Variants in SMIM36 observed in about 807,000 individuals in gnomAD.
SMIM36 encodes the protein small integral membrane protein 36.
chr17:55,490,325 G>A (rs866711689), intron 1 of SMIM36, among the ~76,000 whole-genome samples: 6 of 152,088 alleles, frequency 3.9e-5, no homozygotes, highest in African/African-American at 1.4e-4. Flanking sequence ...TTTCCTGTCT[G>A]CTTCTTTTTG....
intron 1 of SMIM36, among the ~76,000 whole-genome samples, chr17:55,492,177 TTAAAA>T (rs1169222621): frequency 1.3e-5 from 2 of 150,888 alleles, no homozygotes; most frequent in East Asian, 3.9e-4. Context: ...AAAGAAAAAA[TTAAAA>T]TAAAGAGAGC....
chr17:55,480,322 C>G (rs557140108), intron 1 of SMIM36, among the ~76,000 whole-genome samples: 7 of 151,278 alleles, frequency 4.6e-5, no homozygotes, highest in Admixed American at 2.0e-4. Flanking sequence ...TTTGGAAGCA[C>G]AAAGACAATT....
At chr17:55,452,578 T>A (rs1403254041) in intron 4 of SMIM36, among the ~76,000 whole-genome samples, 1 of 152,178 alleles carries the variant, frequency 6.6e-6, no homozygotes, top group Admixed American at 6.5e-5. Context: ...GAGCTTGCCA[T>A]GAACAGCACA....
chr17:55,489,707 T>C (rs184058200), intron 1 of SMIM36, among the ~76,000 whole-genome samples: 1 of 152,360 alleles, frequency 6.6e-6, no homozygotes, highest in East Asian at 1.9e-4. Context: ...ACTGTATGAA[T>C]ATACCATATT....
the SMIM36 span, among the ~76,000 whole-genome samples, chr17:55,519,407 T>A: frequency 2.0e-5 from 3 of 151,856 alleles, no homozygotes; most frequent in African/African-American, 7.3e-5. Context: ...GTGGAGTGAG[T>A]GCAATGGTGG....
intron 1 of SMIM36, among the ~76,000 whole-genome samples, chr17:55,497,889 C>T (rs1436485736): frequency 6.6e-6 from 1 of 152,166 alleles, no homozygotes; most frequent in East Asian, 1.9e-4. Context: ...TTAAACAACT[C>T]ATTGCACATC....
chr17:55,521,703 C>A, the SMIM36 span, among the ~76,000 whole-genome samples: 1 of 152,168 alleles, frequency 6.6e-6, no homozygotes, highest in Non-Finnish European at 1.5e-5. Flanking sequence ...TGCTCAGATG[C>A]AACTAAAACT....
At chr17:55,462,108 A>G (rs982334733) in intron 4 of SMIM36, among the ~76,000 whole-genome samples, 1 of 152,192 alleles carries the variant, frequency 6.6e-6, no homozygotes, top group Non-Finnish European at 1.5e-5. Context: ...TGGAAAGTGT[A>G]TGGCCTTGGA....
At chr17:55,454,448 C>G (rs1416088174) in intron 4 of SMIM36, among the ~76,000 whole-genome samples, 1 of 152,080 alleles carries the variant, frequency 6.6e-6, no homozygotes, top group Non-Finnish European at 1.5e-5. Context: ...AAACGAATAC[C>G]TGTATTGTTT....
chr17:55,464,358 T>C (rs982961760), intron 4 of SMIM36, among the ~76,000 whole-genome samples: 9 of 152,186 alleles, frequency 5.9e-5, no homozygotes, highest in Admixed American at 5.9e-4. Context: ...TCTATTGCAG[T>C]GCTACTTGTC....
chr17:55,528,502 C>A, the SMIM36 span, among the ~76,000 whole-genome samples: 2 of 151,976 alleles, frequency 1.3e-5, no homozygotes, highest in Non-Finnish European at 2.9e-5. Flanking sequence ...TAGGCGCACA[C>A]CACCAAGCAC....
intron 1 of SMIM36, among the ~76,000 whole-genome samples, chr17:55,485,687 T>C (rs1027590724): frequency 6.6e-6 from 1 of 152,246 alleles, no homozygotes; most frequent in African/African-American, 2.4e-5. Context: ...TGTTAATATC[T>C]AATATACATT....
chr17:55,462,908 A>G (rs1039212129), intron 4 of SMIM36, among the ~76,000 whole-genome samples: 2 of 152,098 alleles, frequency 1.3e-5, no homozygotes, highest in African/African-American at 4.8e-5. Flanking sequence ...ACTCCTCCCA[A>G]CCCCCAGAAA....
At chr17:55,466,246 C>T (rs961314138) in intron 4 of SMIM36, among the ~76,000 whole-genome samples, 1 of 132,174 alleles carries the variant, frequency 7.6e-6, no homozygotes, top group Non-Finnish European at 1.5e-5. Flanking sequence ...TACTGTACTC[C>T]AGCCTGGGCA....
At chr17:55,509,472 A>C (rs1226398097) in intron 1 of SMIM36, among the ~76,000 whole-genome samples, 1 of 152,094 alleles carries the variant, frequency 6.6e-6, no homozygotes, top group Non-Finnish European at 1.5e-5. Flanking sequence ...GCCATTCAAC[A>C]TTATTCGAAT....
chr17:55,508,517 A>G (rs1236146537), intron 1 of SMIM36, among the ~76,000 whole-genome samples: 1 of 144,300 alleles, frequency 6.9e-6, no homozygotes, highest in Non-Finnish European at 1.5e-5. Flanking sequence ...TAACCTTCTT[A>G]TTTCTTTCCC....
chr17:55,467,815 G>A (rs1257915119), intron 3 of SMIM36, among the ~76,000 whole-genome samples: 2 of 152,184 alleles, frequency 1.3e-5, no homozygotes, highest in African/African-American at 4.8e-5. Flanking sequence ...TATCCCCTGT[G>A]ACCTGCAACT....
chr17:55,458,990 T>C (rs1467792332), intron 4 of SMIM36, among the ~76,000 whole-genome samples: 1 of 152,162 alleles, frequency 6.6e-6, no homozygotes, highest in African/African-American at 2.4e-5. Context: ...AAGTGGTCTG[T>C]AGATGGCAAA....
At position 55,460,853 on chromosome 17, in the gene SMIM36, G is replaced by C. The variant is rs1385698857; in HGVS notation, c.*531+6292C>G. Among the ~76,000 whole-genome samples, 6 of 152,116 alleles carry C rather than the reference G, an allele frequency of 3.9e-5. No individual in the cohort carries two copies. In the East Asian group the frequency reaches 1.2e-3, roughly 29 times the overall value. ...AGCCTGGGTGACAGAGTGAGACCCT[G>C]TCTCAAAAAAACAAAAACAAAAAAA... On this transcript the variant is annotated intron_variant, in intron 4 of 4. Coordinates refer to ENST00000636752, the Ensembl canonical transcript of SMIM36.
Sources: allele counts gnomAD v4.1 joint callset (sites outside exome capture counted in the v4.1 genomes callset), GRCh38; gene constraint gnomAD v4.1.1; transcripts MANE v1.5; gene names NCBI Gene and HGNC (gene_info 2026-07-23, HGNC 2026-07-21).